Variants in AGPAT3 observed in about 807,000 individuals in gnomAD.
The protein encoded by AGPAT3 is 1-acyl-sn-glycerol-3-phosphate acyltransferase gamma.
AGPAT3 carries 5 observed loss-of-function variants against 47.3 expected under a neutral mutation model. The observed-to-expected ratio is 0.11, with a 90% CI of 0.06 to 0.22. AGPAT3 has a LOEUF of 0.22. Ranked by LOEUF, AGPAT3 falls within the 10% of genes least tolerant of loss-of-function variation. AGPAT3 has a pLI of 1.00. For synonymous variants in AGPAT3, 212 were observed against 208.3 expected (o/e 1.02, Z -0.15); for missense variants, 315 against 493.0 (o/e 0.64, Z 3.42).
At chr21:43,900,743 C>T (rs1450115287) in intron 1 of AGPAT3, among the ~76,000 whole-genome samples, 2 of 152,128 alleles carry the variant, frequency 1.3e-5, no homozygotes, top group African/African-American at 2.4e-5. Context: ...AATCTGTGTG[C>T]TCAGTGGCCA....
At chr21:43,873,886 C>T (rs372608327) in intron 1 of AGPAT3, among the ~76,000 whole-genome samples, 53 of 152,226 alleles carry the variant, frequency 3.5e-4, no homozygotes, top group African/African-American at 1.2e-3. Context: ...TCTTTGTTTC[C>T]GTATCACTAA....
chr21:43,897,102 C>T (rs1213350188), intron 1 of AGPAT3, among the ~76,000 whole-genome samples: 5 of 151,838 alleles, frequency 3.3e-5, no homozygotes, highest in Non-Finnish European at 5.9e-5. Flanking sequence ...GAGGACCCTG[C>T]GGCCTTCCGC....
rs2030405790 is a variant in AGPAT3, at chr21:43,987,488, A to C, written c.*5096A>C. 6.6e-6 allele frequency among the ~76,000 whole-genome samples: 1 copy of C among 152,202 alleles called. No homozygotes were observed. Among genetic ancestry groups the C allele is most frequent in the Non-Finnish European group, 1.5e-5 (1 of 68,044 alleles). On this transcript the variant is annotated 3_prime_UTR_variant, in exon 10 of 10. Coordinates refer to ENST00000291572, the MANE Select transcript of AGPAT3 (RefSeq NM_020132.5). ...TTTCCTAAGTGGCATGTATACATCCAAAACTACTCTTTTTTTGTAAAAACA... is the reference window on the plus strand; with the variant it reads ...TTTCCTAAGTGGCATGTATACATCCCAAACTACTCTTTTTTTGTAAAAACA...
At chr21:43,942,428 C>A (rs745678295) in intron 2 of AGPAT3, among the ~76,000 whole-genome samples, 1 of 152,206 alleles carries the variant, frequency 6.6e-6, no homozygotes, top group African/African-American at 2.4e-5. Flanking sequence ...AGCACCTCTG[C>A]CTACCCTGCA....
chr21:43,962,210 G>A (rs1231016622), intron 3 of AGPAT3, among the ~76,000 whole-genome samples: 1 of 152,046 alleles, frequency 6.6e-6, no homozygotes, highest in African/African-American at 2.4e-5. Flanking sequence ...CACTGTGTTA[G>A]CCAGGATGGT....
chr21:43,923,328 A>G (rs1304794959), intron 2 of AGPAT3, among the ~76,000 whole-genome samples: 1 of 152,172 alleles, frequency 6.6e-6, no homozygotes, highest in African/African-American at 2.4e-5. Flanking sequence ...TGATGTCAGG[A>G]TCTATAGTTT....
chr21:43,953,109 C>T (rs996091334), intron 2 of AGPAT3, among the ~76,000 whole-genome samples: 10 of 152,184 alleles, frequency 6.6e-5, no homozygotes, highest in Admixed American at 2.0e-4. Context: ...TGTGAGGAAA[C>T]GGACAAATCC....
chr21:43,939,285 C>T lies in AGPAT3; in HGVS notation c.-48-20349C>T, dbSNP rs536292949. 3.9e-5 allele frequency among the ~76,000 whole-genome samples: 6 copies of T among 152,118 alleles called. No homozygotes were observed. The highest frequency in any genetic ancestry group is 4.2e-4 in the South Asian group (2 of 4,810). On this transcript the variant is annotated intron_variant, in intron 2 of 9. Coordinates refer to ENST00000291572, the MANE Select transcript of AGPAT3 (RefSeq NM_020132.5). The surrounding 1 kb of genome is among the most constrained non-coding windows in gnomAD (Gnocchi z 4.4). ...CCCGTGTGCTGTCGAGGGCCTCTAG[C>T]GGGCGCTCCCTTGATAACACCCCAC... is the stretch of plus-strand genomic sequence containing the variant.
intron 2 of AGPAT3, among the ~76,000 whole-genome samples, chr21:43,910,600 G>C (rs1031536516): frequency 6.6e-6 from 1 of 152,242 alleles, no homozygotes; most frequent in Non-Finnish European, 1.5e-5. Context: ...GGAAGCAAGT[G>C]TGCTGTATGC....
chr21:43,949,202 A>C (rs959835873), intron 2 of AGPAT3, among the ~76,000 whole-genome samples: 4 of 152,176 alleles, frequency 2.6e-5, no homozygotes, highest in African/African-American at 9.7e-5. Flanking sequence ...TTTATGTATC[A>C]TTTACATATT....
chr21:43,962,063 C>T (rs4818875), intron 3 of AGPAT3, among the ~76,000 whole-genome samples: 65,802 of 149,228 alleles, frequency 0.44, 14,558 homozygotes, highest in Admixed American at 0.48. Context: ...TGCAGTGGTG[C>T]GATCTCGGCT....
intron 2 of AGPAT3, among the ~76,000 whole-genome samples, chr21:43,947,894 G>T (rs940079001): frequency 6.6e-6 from 1 of 152,092 alleles, no homozygotes; most frequent in Non-Finnish European, 1.5e-5. Context: ...GACCTCAAGT[G>T]ATCTGCCCAC....
chr21:43,985,411 A>C lies in AGPAT3; in HGVS notation c.*3019A>C. On this transcript the variant is annotated 3_prime_UTR_variant, in exon 10 of 10. Transcript: ENST00000291572. Reference sequence around the variant, plus strand: ...ACTTTCTTGTGTAAAAAAAAAAAAAAAGCACGTCCTGTCGATGAATTTTGA... The same window carrying C: ...ACTTTCTTGTGTAAAAAAAAAAAAACAGCACGTCCTGTCGATGAATTTTGA... 2 of 326,344 alleles carry C rather than the reference A, an allele frequency of 6.1e-6. No homozygotes were observed. The highest frequency in any genetic ancestry group is 6.0e-6 in the Non-Finnish European group (1 of 166,044). The allele number at this position is 326,344 out of a possible 1,614,324, so 20.2% of individuals were successfully genotyped here.
intron 2 of AGPAT3, chr21:43,925,265 G>T (rs1392823126): frequency 1.3e-5 from 2 of 152,654 alleles, no homozygotes; most frequent in African/African-American, 4.8e-5. Context: ...GAGACTCTGG[G>T]TCATGCGGGG....
intron 1 of AGPAT3, among the ~76,000 whole-genome samples, chr21:43,871,510 T>G (rs1325565537): frequency 6.6e-6 from 1 of 152,222 alleles, no homozygotes; most frequent in African/African-American, 2.4e-5. Context: ...TTACATGGAA[T>G]GTTCTATGTC....
chr21:43,966,904 C>G (rs942974006), intron 3 of AGPAT3: 1 of 152,212 alleles, frequency 6.6e-6, no homozygotes, highest in Non-Finnish European at 1.5e-5. Context: ...CTCTGGTGGC[C>G]GACAAGAGGC....
rs1447692288 is a variant in AGPAT3 at position 43,955,204 on chromosome 21, G to T, written c.-48-4430G>T. 14 of 1,247,084 alleles carry T rather than the reference G, an allele frequency of 1.1e-5. No homozygotes were observed. Among genetic ancestry groups the T allele is most frequent in the Non-Finnish European group, 1.5e-5 (14 of 961,832 alleles). 77.3% of individuals were successfully genotyped at this position (1,247,084 alleles called of 1,614,324 possible). ...GCACCGCGCTGGACCGGCTGGGCCAGATGCCATGGGATTCTGTGTTTGTGA... is the reference window on the plus strand; with the variant it reads ...GCACCGCGCTGGACCGGCTGGGCCATATGCCATGGGATTCTGTGTTTGTGA... On this transcript the variant is annotated intron_variant, in intron 2 of 9. Transcript: ENST00000291572. The surrounding 1 kb of genome is among the most constrained non-coding windows in gnomAD (Gnocchi z 4.1).
chr21:43,875,791 A>T (rs2085720627), intron 1 of AGPAT3, among the ~76,000 whole-genome samples: 1 of 152,172 alleles, frequency 6.6e-6, no homozygotes, highest in South Asian at 2.1e-4. Flanking sequence ...TATTTCTAGT[A>T]GAGACGGGGT....
At chr21:43,960,649 C>A in intron 3 of AGPAT3, 1 of 679,148 alleles carries the variant, frequency 1.5e-6, no homozygotes, top group Non-Finnish European at 1.8e-6. Flanking sequence ...AAACTAGAAG[C>A]AACCCAAGCA....
Sources: allele counts gnomAD v4.1 joint callset (sites outside exome capture counted in the v4.1 genomes callset), GRCh38; gene constraint gnomAD v4.1.1; non-coding constraint Gnocchi (gnomAD v3.1); transcripts MANE v1.5; gene names NCBI Gene and HGNC (gene_info 2026-07-23, HGNC 2026-07-21).